KCNJ6: variants seen among roughly 807,000 people sequenced by gnomAD.
The protein encoded by KCNJ6 is G protein-activated inward rectifier potassium channel 2.
A neutral mutation model predicts 34.2 loss-of-function variants in KCNJ6; 9 were observed. The ratio of observed to expected loss-of-function variants is 0.26; its 90% CI spans 0.16 to 0.46. KCNJ6 has a LOEUF of 0.46. Among genes scored for constraint, KCNJ6 ranks in the 20% least tolerant of loss-of-function variants. The pLI is 1.00. For missense variants in KCNJ6, 236 were observed against 531.3 expected (o/e 0.44, Z 5.46); for synonymous variants, 196 against 207.1 (o/e 0.95, Z 0.46).
At chr21:37,635,634 C>A (rs1309726368) in intron 3 of KCNJ6, among the ~76,000 whole-genome samples, 1 of 152,114 alleles carries the variant, frequency 6.6e-6, no homozygotes, top group East Asian at 1.9e-4. Flanking sequence ...CCTCCCACTT[C>A]AGCCTCCTGA....
chr21:37,715,288 T>C (rs896566417), intron 2 of KCNJ6, among the ~76,000 whole-genome samples, 157 bp from the exon 3 acceptor site: 9 of 152,242 alleles, frequency 5.9e-5, no homozygotes, highest in African/African-American at 2.2e-4. Context: ...ACCATCTGGA[T>C]AGGCCTCTAG....
chr21:37,841,260 T>A (rs1419269924), intron 1 of KCNJ6, among the ~76,000 whole-genome samples: 1 of 152,216 alleles, frequency 6.6e-6, no homozygotes, highest in East Asian at 1.9e-4. Context: ...AGATATAGGT[T>A]ATAACCCACT....
intron 1 of KCNJ6, among the ~76,000 whole-genome samples, chr21:37,844,460 T>C (rs1273434686): frequency 6.6e-6 from 1 of 152,020 alleles, no homozygotes; most frequent in Non-Finnish European, 1.5e-5. Flanking sequence ...CCCTGAAGGT[T>C]TATCATGAAA....
intron 3 of KCNJ6, among the ~76,000 whole-genome samples, chr21:37,653,159 A>G (rs920637243): frequency 1.3e-5 from 2 of 152,204 alleles, no homozygotes; most frequent in Non-Finnish European, 2.9e-5. Context: ...GTGATGCAAC[A>G]ACAACAACAG....
rs186872358 is a variant in KCNJ6 at position 37,829,477 on chromosome 21, C to A, written c.25+11181G>T. Among the ~76,000 whole-genome samples the A allele has an allele frequency of 4.6e-3, 703 of 152,198 alleles. 1 individual carries two copies. The highest frequency in any genetic ancestry group is 0.015 in the African/African-American group (629 of 41,506). Reference sequence around the variant, plus strand: ...GGGCTCCTGGATGTCACCTGGGCACCCCACTGGCTTGGAAGGGGCTGGGAA... The same window carrying A: ...GGGCTCCTGGATGTCACCTGGGCACACCACTGGCTTGGAAGGGGCTGGGAA... On this transcript the variant is annotated intron_variant, in intron 2 of 3. Transcript: ENST00000609713.
intron 3 of KCNJ6, among the ~76,000 whole-genome samples, chr21:37,673,695 G>T (rs546066560): frequency 8.1e-4 from 124 of 152,336 alleles, no homozygotes; most frequent in African/African-American, 2.9e-3. Context: ...AATTTTAGAG[G>T]TGTGTTCAGA....
chr21:37,812,685 G>A (rs565228334), intron 2 of KCNJ6, among the ~76,000 whole-genome samples: 1 of 152,056 alleles, frequency 6.6e-6, no homozygotes, highest in Non-Finnish European at 1.5e-5. Context: ...TGTCAATTGA[G>A]GCTGAGAAAA....
intron 2 of KCNJ6, among the ~76,000 whole-genome samples, chr21:37,793,852 G>A (rs1313064292): frequency 6.6e-6 from 1 of 152,240 alleles, no homozygotes; most frequent in African/African-American, 2.4e-5. Flanking sequence ...TGAAGTGAAA[G>A]TTTGCTTAAG....
At chr21:37,852,742 A>G (rs1270438574) in intron 1 of KCNJ6, among the ~76,000 whole-genome samples, 3 of 152,264 alleles carry the variant, frequency 2.0e-5, no homozygotes, top group Middle Eastern at 3.2e-3. Context: ...CCCAGATTTT[A>G]TAATTATATA....
intron 2 of KCNJ6, among the ~76,000 whole-genome samples, chr21:37,748,056 T>C (rs1036944035): frequency 1.3e-5 from 2 of 152,182 alleles, no homozygotes; most frequent in African/African-American, 2.4e-5. Flanking sequence ...TGTAATGTGT[T>C]GTGCAGACTT....
At chr21:37,721,099 T>C (rs550277060) in intron 2 of KCNJ6, among the ~76,000 whole-genome samples, 2 of 152,232 alleles carry the variant, frequency 1.3e-5, no homozygotes, top group South Asian at 4.1e-4. Context: ...AAACAACCCA[T>C]TCAGAAATGG....
chr21:37,656,256 T>G (rs1182428002), intron 3 of KCNJ6, among the ~76,000 whole-genome samples: 1 of 152,166 alleles, frequency 6.6e-6, no homozygotes, highest in Non-Finnish European at 1.5e-5. Flanking sequence ...TGGGGGTTCT[T>G]CCTGCTGTGC....
At chr21:37,793,705 C>T (rs999057342) in intron 2 of KCNJ6, among the ~76,000 whole-genome samples, 13 of 152,100 alleles carry the variant, frequency 8.5e-5, no homozygotes, top group African/African-American at 2.9e-4. Context: ...CAATCTGAGG[C>T]ATAGGGGTGT....
Position 37,812,784 on chromosome 21 carries a change from T to C in KCNJ6, c.25+27874A>G, listed in dbSNP as rs138855982. 2.0e-5 allele frequency among the ~76,000 whole-genome samples: 3 copies of C among 152,276 alleles called. No homozygotes were observed. In the East Asian group the frequency reaches 5.8e-4, roughly 29 times the overall value. On this transcript the variant is annotated intron_variant, in intron 2 of 3. Transcript: ENST00000609713. Reference sequence around the variant, plus strand: ...ATACCTAGACATAATAAAAGCCATATATAATAAAACCACAGCTAGTATCAT... The same window carrying C: ...ATACCTAGACATAATAAAAGCCATACATAATAAAACCACAGCTAGTATCAT...
intron 2 of KCNJ6, among the ~76,000 whole-genome samples, chr21:37,765,346 C>A (rs1232415807): frequency 6.6e-6 from 1 of 152,068 alleles, no homozygotes; most frequent in Admixed American, 6.6e-5. Flanking sequence ...ATTGTTCTGT[C>A]GATGATCAAG....
At chr21:37,740,635 G>A (rs2054936572) in intron 2 of KCNJ6, among the ~76,000 whole-genome samples, 1 of 152,154 alleles carries the variant, frequency 6.6e-6, no homozygotes, top group East Asian at 1.9e-4. Flanking sequence ...GCACATACAT[G>A]TTCTCAGGAC....
chr21:37,675,366 T>C lies in KCNJ6; in HGVS notation c.946+38845A>G, dbSNP rs1227526683. On this transcript the variant is annotated intron_variant, in intron 3 of 3. Coordinates refer to ENST00000609713, the MANE Select transcript of KCNJ6 (RefSeq NM_002240.5). The surrounding 1 kb of genome is among the most constrained non-coding windows in gnomAD (Gnocchi z 4.2). ...AGTGGCTGCATTGGCTTTAAGAAAC[T>C]GCGCCGGGCTGGGCAGCCGACGCAC... 1.3e-5 allele frequency among the ~76,000 whole-genome samples: 2 copies of C among 152,232 alleles called. No homozygotes were observed. Among genetic ancestry groups the C allele is most frequent in the Non-Finnish European group, 2.9e-5 (2 of 68,036 alleles).
At chr21:37,694,934 C>T (rs558346213) in intron 3 of KCNJ6, among the ~76,000 whole-genome samples, 4 of 152,286 alleles carry the variant, frequency 2.6e-5, no homozygotes, top group South Asian at 2.1e-4. Context: ...GGAAGAAGGC[C>T]CTCACCAGGA....
At chr21:37,794,779 T>C (rs933163027) in intron 2 of KCNJ6, among the ~76,000 whole-genome samples, 2 of 151,924 alleles carry the variant, frequency 1.3e-5, no homozygotes, top group Non-Finnish European at 2.9e-5. Context: ...CTAATGCATG[T>C]GGGGCTTAAA....
Sources: allele counts gnomAD v4.1 joint callset (sites outside exome capture counted in the v4.1 genomes callset), GRCh38; gene constraint gnomAD v4.1.1; non-coding constraint Gnocchi (gnomAD v3.1); transcripts MANE v1.5; gene names NCBI Gene and HGNC (gene_info 2026-07-23, HGNC 2026-07-21).